Variants in ABCA7 observed in about 807,000 individuals in gnomAD.
ABCA7 encodes ATP binding cassette subfamily A member 7.
In ABCA7, 261 loss-of-function variants were observed where a neutral mutation model predicts 227.6. The observed-to-expected ratio is 1.15, with a 90% CI of 1.04 to 1.27. The LOEUF is 1.27. ABCA7 is among the 50% of genes most tolerant of loss of function. ABCA7 has a pLI of 0.00. For missense variants in ABCA7, 3,331 were observed against 2,924.5 expected, an observed-to-expected ratio of 1.14 and a Z score of -3.21; for synonymous variants, 1,488 against 1,279.7, an observed-to-expected ratio of 1.16 and a Z score of -3.47.
chr19:1,050,818 T>TAAA lies in ABCA7; in HGVS notation c.2553-102_2553-100dup, dbSNP rs869239933. 1.9e-3 allele frequency: 1,298 copies of TAAA among 666,150 alleles called. 3 individuals carry two copies. Among genetic ancestry groups the TAAA allele is most frequent in the Non-Finnish European group, 2.4e-3 (1,197 of 493,286 alleles). 41.3% of individuals were successfully genotyped at this position (666,150 alleles called of 1,614,324 possible). A position where few individuals can be genotyped will look rare whatever the true frequency, so the allele number is the denominator to read the frequency against. ...ATAATAATAATAATAATAATAATAATAAATAATTAAAAATTTTTTAAAAAC... is the reference window on the plus strand; with the variant it reads ...ATAATAATAATAATAATAATAATAATAAAAAATAATTAAAAATTTTTTAAAAAC... On this transcript the variant is annotated intron_variant, in intron 18 of 46. Coordinates refer to ENST00000263094, the MANE Select transcript of ABCA7 (RefSeq NM_019112.4).
Position 1,065,371 on chromosome 19 carries a change from C to T in ABCA7, c.6387C>T (p.Pro2129=), listed in dbSNP as rs2042981934. The T allele has an allele frequency of 6.2e-7, 1 of 1,613,502 alleles. No homozygotes were observed. Among genetic ancestry groups the T allele is most frequent in the Non-Finnish European group, 8.5e-7 (1 of 1,180,008 alleles). Residue 2129 remains proline, a synonymous_variant, in exon 47 of 47, where the codon CCC becomes CCT. Transcript: ENST00000263094. ...GVDPAPGLQH[P]KRVSQFLDDP... ...ACCCCGCGCCAGGCCTGCAGCACCC[C>T]AAACGCGTCAGCCAGTTCCTCGATG...
intron 40 of ABCA7, among the ~76,000 whole-genome samples, chr19:1,060,487 A>G (rs546124042): frequency 6.6e-6 from 1 of 150,748 alleles, no homozygotes; most frequent in East Asian, 2.0e-4. Flanking sequence ...CTGGGATCAC[A>G]TGTGTGAGCC....
chr19:1,059,180 T>A, intron 40 of ABCA7, 95 bp downstream of exon 40: 1 of 1,330,348 alleles, frequency 7.5e-7, no homozygotes, highest in Non-Finnish European at 1.0e-6. Context: ...CTACTGTGTA[T>A]CCACCACCTT....
chr19:1,058,912 A>T lies in ABCA7; in HGVS notation c.5372A>T (p.Asp1791Val), dbSNP rs1599706357. 6.3e-7 allele frequency: 1 copy of T among 1,593,744 alleles called. No homozygotes were observed. Among genetic ancestry groups the T allele is most frequent in the East Asian group, 2.2e-5 (1 of 44,482 alleles). ...ERVVQGATQG[D>V]VLVLRNLTKV... ...GTGGTCCAAGGAGCCACCCAGGGGG[A>T]TGTGTTGGTGCTGAGGAACTTGACC... The change falls in exon 39 of 47, where the codon GAT becomes GTT. Residue 1791 changes from aspartate to valine, a missense_variant. Physicochemically the swap from Asp to Val is radical, Grantham distance 152 (BLOSUM62 -3). Coordinates refer to ENST00000263094, the MANE Select transcript of ABCA7 (RefSeq NM_019112.4).
chr19:1,052,856 C>A (rs534770301), intron 23 of ABCA7, among the ~76,000 whole-genome samples: 1 of 152,028 alleles, frequency 6.6e-6, no homozygotes, highest in South Asian at 2.1e-4. Context: ...AGAGACAAAC[C>A]TACCCCTGAC....
At chr19:1,059,512 G>A (rs531998789) in intron 40 of ABCA7, among the ~76,000 whole-genome samples, 30 of 150,788 alleles carry the variant, frequency 2.0e-4, no homozygotes, top group Non-Finnish European at 3.8e-4. Context: ...TGATCCACCC[G>A]CCTCAGCCTC....
chr19:1,042,614 C>T (rs757572987), intron 6 of ABCA7, 132 bp from the exon 7 acceptor site: 14 of 1,090,108 alleles, frequency 1.3e-5, no homozygotes, highest in Admixed American at 5.4e-5. Context: ...GTCCCTTTGC[C>T]TCTCAGAGCC....
In ABCA7 at chr19:1,054,191, A is replaced by C. The variant is rs376824416; in HGVS notation, c.3578-2A>C. On this transcript the variant is annotated splice_acceptor_variant, in intron 26 of 46. Coordinates refer to ENST00000263094, the MANE Select transcript of ABCA7 (RefSeq NM_019112.4). LOFTEE classifies it high-confidence loss of function. This position sits in a 1 kb window ranked among gnomAD's most constrained non-coding sequence, Gnocchi z 4.8. ...GAGCACTGACCCTCTCATCCCTCACAGCTGGGTCAGCCCCAGAGACTGACC... is the reference window on the plus strand; with the variant it reads ...GAGCACTGACCCTCTCATCCCTCACCGCTGGGTCAGCCCCAGAGACTGACC... 6.2e-7 allele frequency: 1 copy of C among 1,610,008 alleles called. No homozygotes were observed. The highest frequency in any genetic ancestry group is 1.1e-5 in the South Asian group (1 of 90,892).
At chr19:1,041,055 A>AT in intron 1 of ABCA7, 170 bp from the exon 2 acceptor site, 2 of 463,672 alleles carry the variant, frequency 4.3e-6, no homozygotes, top group Non-Finnish European at 7.9e-6. Flanking sequence ...TCCCTGGAGG[A>AT]TTAGAGGATG....
Position 1,045,015 on chromosome 19 carries a change from A to T in ABCA7, c.1229A>T (p.Asp410Val), listed in dbSNP as rs1201383164. 2.5e-6 allele frequency: 4 copies of T among 1,612,478 alleles called. No homozygotes were observed. The highest frequency in any genetic ancestry group is 3.4e-6 in the Non-Finnish European group (4 of 1,179,918). Reference sequence around the variant, plus strand: ...CGCATCCCACAGTGCCTGTCCTTGGACAAGCTGGAGGCGGCACCCTCAGAG... The same window carrying T: ...CGCATCCCACAGTGCCTGTCCTTGGTCAAGCTGGAGGCGGCACCCTCAGAG... ...LGRVTECLSLDKLEAAPSEAA... is the reference protein window; with the variant it reads ...LGRVTECLSLVKLEAAPSEAA... The change falls in exon 12 of 47, where the codon GAC (aspartate) becomes GTC (valine). Residue 410 changes from aspartate (D) to valine (V), a missense_variant. Transcript: ENST00000263094.
chr19:1,046,923 C>G lies in ABCA7; in HGVS notation c.1744C>G (p.Arg582Gly). 4 of 1,557,434 alleles carry G rather than the reference C, an allele frequency of 2.6e-6. No homozygotes were observed. The highest frequency in any genetic ancestry group is 1.9e-5 in the Admixed American group (1 of 52,326). Residue 582 changes from arginine (R) to glycine (G), a missense_variant, in exon 14 of 47, where the codon CGC becomes GGC. Arg to Gly is a moderately radical substitution (Grantham distance 125). Transcript: ENST00000263094. ...GGAGACGCGGCTGCGGGACACCATG[C>G]GCGCCATGGGGCTCAGCCGCGCGGT... is the stretch of plus-strand genomic sequence containing the variant. ...EKETRLRDTM[R>G]AMGLSRAVLW...
chr19:1,060,207 A>AT (rs201967062), intron 40 of ABCA7, among the ~76,000 whole-genome samples: 2,193 of 96,846 alleles, frequency 0.023, 36 homozygotes, highest in Non-Finnish European at 0.029. Flanking sequence ...ATATATATAT[A>AT]TTTTTTTTTC....
In ABCA7 at chr19:1,065,120, C is replaced by T. The variant is rs779308070; in HGVS notation, c.6234C>T (p.Gly2078=). 11 of 1,589,702 alleles carry T rather than the reference C, an allele frequency of 6.9e-6. No individual in the cohort carries two copies. In the Admixed American group the frequency reaches 1.6e-4, roughly 23 times the overall value. ...ARVFGELAVH[G]AEHGVEDFSV... ...TCTTTGGAGAGCTGGCGGTGCACGG[C>T]GCAGAGCACGGCGTGGAGGACTTTT... The change falls in exon 46 of 47, where the codon GGC becomes GGT. Residue 2078 remains glycine, a synonymous_variant. Coordinates refer to ENST00000263094, the MANE Select transcript of ABCA7 (RefSeq NM_019112.4).
At position 1,054,156 on chromosome 19, in the gene ABCA7, A is replaced by G; in HGVS notation, c.3578-37A>G. 1 of 1,611,902 alleles carries G rather than the reference A, an allele frequency of 6.2e-7. No homozygotes were observed. The highest frequency in any genetic ancestry group is 8.5e-7 in the Non-Finnish European group (1 of 1,179,518). The stretch of plus-strand genomic sequence containing the variant: ...CTGGGGTCCTCCCAGCCACCCCCCC[A>G]CAGCAGCGTGAGCACTGACCCTCTC... On this transcript the variant is annotated intron_variant, in intron 26 of 46. Coordinates refer to ENST00000263094, the MANE Select transcript of ABCA7 (RefSeq NM_019112.4). This position sits in a 1 kb window ranked among gnomAD's most constrained non-coding sequence, Gnocchi z 4.8.
In ABCA7 at chr19:1,045,251, G is replaced by A. The variant is rs760867607; in HGVS notation, c.1445+20G>A. On this transcript the variant is annotated intron_variant, in intron 12 of 46. Transcript: ENST00000263094. ...GGACAGGTCAGGCGAGGGAGGGGGC[G>A]GGGGGATGAGGGACTGGGCGGGGCC... 5 of 1,561,110 alleles carry A rather than the reference G, an allele frequency of 3.2e-6. No individual in the cohort carries two copies. In the South Asian group the frequency reaches 3.3e-5, roughly 10 times the overall value.
Position 1,065,025 on chromosome 19 carries a change from C to A in ABCA7, c.6139C>A (p.Leu2047Met). The change falls in exon 46 of 47, where the codon CTG becomes ATG. Residue 2047 changes from leucine to methionine, a missense_variant. Leu to Met is a conservative substitution (Grantham distance 15). Coordinates refer to ENST00000263094, the MANE Select transcript of ABCA7 (RefSeq NM_019112.4). ...GGCGGCCGAGTTCCCTGGGGCGGAG[C>A]TGCGCGAGGCACATGGAGGCCGCCT... ...FVAAEFPGAE[L>M]REAHGGRLRF... 1 of 1,555,256 alleles carries A rather than the reference C, an allele frequency of 6.4e-7. No individual in the cohort carries two copies. The highest frequency in any genetic ancestry group is 8.7e-7 in the Non-Finnish European group (1 of 1,151,648).
At position 1,054,324 on chromosome 19, in the gene ABCA7, C is replaced by T. The variant is rs200654275; in HGVS notation, c.3709C>T (p.Arg1237Cys). Residue 1237 changes from arginine to cysteine, a missense_variant, in exon 27 of 47, where the codon CGC becomes TGC. Coordinates refer to ENST00000263094, the MANE Select transcript of ABCA7 (RefSeq NM_019112.4). The surrounding 1 kb of genome is among the most constrained non-coding windows in gnomAD (Gnocchi z 4.8). ...KRFLLARRSR[R>C]GLFAQIVLPA... The stretch of plus-strand genomic sequence containing the variant: ...CTTTCTGCTTGCCCGCCGCAGCCGC[C>T]GCGGCCTGTTCGCCCAGGTGAGGAG... The T allele has an allele frequency of 2.6e-5, 41 of 1,600,328 alleles. No homozygotes were observed. Among genetic ancestry groups the T allele is most frequent in the East Asian group, 2.2e-4 (10 of 44,836 alleles).
rs762112146 is a variant in ABCA7, at chr19:1,052,241, G to GA, written c.3176dup (p.Asp1059GlufsTer52). ...TGACACTGACATGGAGGGCAGTGTG[G>GA]ACACCAGGCAGGAAAAGAAGAATGG... On this transcript the variant is annotated frameshift_variant, in exon 23 of 47. Transcript: ENST00000263094. LOFTEE classifies it high-confidence loss of function. 1 of 1,563,734 alleles carries GA rather than the reference G, an allele frequency of 6.4e-7. No homozygotes were observed. The highest frequency in any genetic ancestry group is 1.2e-5 in the South Asian group (1 of 85,906).
intron 10 of ABCA7, 108 bp from the exon 11 acceptor site, chr19:1,044,469 A>C (rs1441235623): frequency 7.4e-7 from 1 of 1,354,468 alleles, no homozygotes; most frequent in Non-Finnish European, 1.0e-6. Context: ...GCTGGTCTCG[A>C]ACTCCTGACC....
Sources: gnomAD v4.1 joint callset for allele counts (sites outside exome capture counted in the v4.1 genomes callset) on GRCh38, gnomAD v4.1.1 for gene constraint, Gnocchi (gnomAD v3.1) non-coding constraint, MANE v1.5 for transcripts, NCBI Gene and HGNC (gene_info 2026-07-23, HGNC 2026-07-21) for gene names.